Variants in CAMSAP1 observed in about 807,000 individuals in gnomAD.
CAMSAP1 encodes calmodulin-regulated spectrin-associated protein 1.
Under a neutral mutation model 143.5 loss-of-function variants are expected in CAMSAP1, and 58 were observed. The ratio of observed to expected loss-of-function variants is 0.40; its 90% CI spans 0.33 to 0.50. The LOEUF (loss-of-function observed/expected upper bound fraction) is 0.50. CAMSAP1 is among the 20% of genes least tolerant of loss of function. The pLI is 0.45. For missense variants in CAMSAP1, 1,969 were observed against 2,115.7 expected, an observed-to-expected ratio of 0.93 and a Z score of 1.36; for synonymous variants, 945 against 859.3, an observed-to-expected ratio of 1.10 and a Z score of -1.74.
intron 16 of CAMSAP1, among the ~76,000 whole-genome samples, chr9:135,813,923 A>G (rs1318490546): frequency 1.3e-5 from 2 of 152,202 alleles, no homozygotes; most frequent in Non-Finnish European, 1.5e-5. Flanking sequence ...ACGAGAGCAG[A>G]GGGAGCTGCA....
chr9:135,811,214 CAAT>C lies in CAMSAP1; in HGVS notation c.*92_*94del, dbSNP rs1835038200. ...CACTTCGTACCCAAATAGATGAAAA[CAAT>C]AAATAAGGACCCCGTGGCACCCTCT... is the stretch of plus-strand genomic sequence containing the variant. On this transcript the variant is annotated 3_prime_UTR_variant, in exon 17 of 17. Transcript: ENST00000389532. The surrounding 1 kb of genome is among the most constrained non-coding windows in gnomAD (Gnocchi z 4.9). 1 of 1,374,216 alleles carries C rather than the reference CAAT, an allele frequency of 7.3e-7. No homozygotes were observed. The highest frequency in any genetic ancestry group is 2.5e-5 in the Admixed American group (1 of 40,582). The allele number at this position is 1,374,216 out of a possible 1,614,324, so 85.1% of individuals were successfully genotyped here. A position where few individuals can be genotyped will look rare whatever the true frequency, so the allele number is the denominator to read the frequency against.
Position 135,882,867 on chromosome 9 carries a change from A to C in CAMSAP1, c.372T>G (p.Ser124Arg). The C allele has an allele frequency of 6.4e-7, 1 of 1,551,174 alleles. No individual in the cohort carries two copies. Among genetic ancestry groups the C allele is most frequent in the East Asian group, 2.4e-5 (1 of 40,902 alleles). ...CGGACTCTGTCACGGGGGTGTCATC[A>C]CTCTCCATCACATAGATCCCTTTCC... Reference protein sequence around the residue: ...LSRKGIYVMESDDTPVTESDL... With the variant: ...LSRKGIYVMERDDTPVTESDL... Residue 124 changes from serine (S) to arginine (R), a missense_variant, in exon 2 of 17, where the codon AGT becomes AGG. Coordinates refer to ENST00000389532, the MANE Select transcript of CAMSAP1 (RefSeq NM_015447.4). This position sits in a 1 kb window ranked among gnomAD's most constrained non-coding sequence, Gnocchi z 4.9.
chr9:135,818,591 G>C lies in CAMSAP1; in HGVS notation c.3985C>G (p.Arg1329Gly). The C allele has an allele frequency of 6.2e-7, 1 of 1,613,182 alleles. No individual in the cohort carries two copies. ...ARRKAEEDRVRKEEEKARREL... is the reference protein window; with the variant it reads ...ARRKAEEDRVGKEEEKARREL... ...CGCCGCGCCTTCTCCTCCTCCTTCC[G>C]CACCCGGTCTTCCTCAGCTTTGCGC... Residue 1329 changes from arginine (R) to glycine (G), a missense_variant, in exon 13 of 17, where the codon CGG (arginine) becomes GGG (glycine). This residue lies in a region of CAMSAP1 where 1,390 missense variants were observed against 1,420.8 expected (regional missense o/e 0.98). Transcript: ENST00000389532. The surrounding 1 kb of genome is among the most constrained non-coding windows in gnomAD (Gnocchi z 7.7).
Position 135,818,942 on chromosome 9 carries a change from G to A in CAMSAP1, c.3959+68C>T. The A allele has an allele frequency of 6.4e-7, 1 of 1,567,748 alleles. No homozygotes were observed. Among genetic ancestry groups the A allele is most frequent in the Non-Finnish European group, 8.6e-7 (1 of 1,164,192 alleles). On this transcript the variant is annotated intron_variant, in intron 12 of 16. Coordinates refer to ENST00000389532, the MANE Select transcript of CAMSAP1 (RefSeq NM_015447.4). This position sits in a 1 kb window ranked among gnomAD's most constrained non-coding sequence, Gnocchi z 7.7. Reference sequence around the variant, plus strand: ...TGGTCCATGCTCAGTGCCAGCAACGGGACCGGGGCCGCCAGGGACCCACCA... The same window carrying A: ...TGGTCCATGCTCAGTGCCAGCAACGAGACCGGGGCCGCCAGGGACCCACCA...
chr9:135,825,317 C>T (rs1835636340), intron 8 of CAMSAP1, among the ~76,000 whole-genome samples: 2 of 152,226 alleles, frequency 1.3e-5, no homozygotes. Context: ...TAAGCCACCA[C>T]TGTGAAGATA....
In CAMSAP1 at chr9:135,821,301, A is replaced by C. The variant is rs1397998756; in HGVS notation, c.3360T>G (p.Ser1120Arg). The change falls in exon 11 of 17, where the codon AGT becomes AGG. Residue 1120 changes from serine (S) to arginine (R), a missense_variant. By Grantham distance (110) the Ser-to-Arg change is moderately radical. Coordinates refer to ENST00000389532, the MANE Select transcript of CAMSAP1 (RefSeq NM_015447.4). The surrounding 1 kb of genome is among the most constrained non-coding windows in gnomAD (Gnocchi z 4.6). ...PKDRPQGSSR[S>R]KTPTPSVETL... The stretch of plus-strand genomic sequence containing the variant: ...TCTCTACACTGGGCGTTGGGGTTTT[A>C]CTTCGGGAGGAGCCCTGTGGCCTGT... The C allele has an allele frequency of 3.7e-6, 6 of 1,612,326 alleles. No individual in the cohort carries two copies. The highest frequency in any genetic ancestry group is 5.1e-6 in the Non-Finnish European group (6 of 1,179,848).
intron 4 of CAMSAP1, chr9:135,865,440 A>G (rs917388033): frequency 1.2e-5 from 17 of 1,419,686 alleles, no homozygotes; most frequent in Middle Eastern, 1.7e-4. Context: ...GAGGTAACAC[A>G]CACTTCCCCA....
At chr9:135,840,003 C>T (rs1193427439) in intron 7 of CAMSAP1, among the ~76,000 whole-genome samples, 1 of 152,206 alleles carries the variant, frequency 6.6e-6, no homozygotes, top group African/African-American at 2.4e-5. Flanking sequence ...CAGACTACCA[C>T]CTGCCAAGAC....
chr9:135,822,618 C>T lies in CAMSAP1; in HGVS notation c.2043G>A (p.Gly681=). The change falls in exon 11 of 17, where the codon GGG becomes GGA. Residue 681 remains glycine (G), a synonymous_variant. Coordinates refer to ENST00000389532, the MANE Select transcript of CAMSAP1 (RefSeq NM_015447.4). The surrounding 1 kb of genome is among the most constrained non-coding windows in gnomAD (Gnocchi z 6.1). ...GATCGAATCCGCCAAGGGCCAGAGG[C>T]CCACCACAGACCTCTCCTGCGGTTT... The part of the protein sequence containing the change: ...SVETAGEVCG[G]PLALGGFDPF... The T allele has an allele frequency of 1.2e-6, 2 of 1,612,526 alleles. No individual in the cohort carries two copies. The highest frequency in any genetic ancestry group is 1.7e-6 in the Non-Finnish European group (2 of 1,179,304).
At chr9:135,886,590 G>C (rs1245116650) in intron 1 of CAMSAP1, among the ~76,000 whole-genome samples, 1 of 152,224 alleles carries the variant, frequency 6.6e-6, no homozygotes, top group Non-Finnish European at 1.5e-5. Flanking sequence ...GGGAGGACCT[G>C]GGCCCTGCGG....
intron 5 of CAMSAP1, among the ~76,000 whole-genome samples, chr9:135,857,614 T>A (rs1837024844): frequency 6.6e-6 from 1 of 152,228 alleles, no homozygotes; most frequent in Admixed American, 6.5e-5. Flanking sequence ...CTCTGTTGAT[T>A]TGGGTTCTCA....
intron 7 of CAMSAP1, among the ~76,000 whole-genome samples, chr9:135,835,505 G>A (rs1266157848): frequency 6.6e-6 from 1 of 152,226 alleles, no homozygotes; most frequent in South Asian, 2.1e-4. Context: ...CAGAGTCACA[G>A]AATTGAGAAC....
intron 3 of CAMSAP1, among the ~76,000 whole-genome samples, chr9:135,869,026 G>A (rs1222425472): frequency 6.6e-6 from 1 of 152,144 alleles, no homozygotes; most frequent in Non-Finnish European, 1.5e-5. Context: ...ACCAAAGCAT[G>A]AAGCTGCAAA....
chr9:135,844,410 A>C lies in CAMSAP1; in HGVS notation c.1045+5727T>G, dbSNP rs115024949. On this transcript the variant is annotated intron_variant, in intron 7 of 16. Transcript: ENST00000389532. ...GAAGTTCTTTGAAACAAATGGGAACAAAGAGGTAATGTACCAGAATCTCTG... is the reference window on the plus strand; with the variant it reads ...GAAGTTCTTTGAAACAAATGGGAACCAAGAGGTAATGTACCAGAATCTCTG... Among the ~76,000 whole-genome samples, 776 of 152,364 alleles carry C rather than the reference A, an allele frequency of 5.1e-3. 6 individuals carry two copies. The highest frequency in any genetic ancestry group is 0.018 in the African/African-American group (746 of 41,582).
At chr9:135,839,839 G>C (rs926966241) in intron 7 of CAMSAP1, among the ~76,000 whole-genome samples, 1 of 151,922 alleles carries the variant, frequency 6.6e-6, no homozygotes, top group Admixed American at 6.6e-5. Flanking sequence ...AAGGGCCCCT[G>C]ACGACCACAG....
chr9:135,885,330 T>C (rs1838088761), intron 1 of CAMSAP1, among the ~76,000 whole-genome samples: 1 of 152,188 alleles, frequency 6.6e-6, no homozygotes, highest in East Asian at 1.9e-4. Flanking sequence ...TGTAGATGTC[T>C]GGGGGCACCT....
Position 135,881,808 on chromosome 9 carries a change from C to T in CAMSAP1, c.424-14G>A. 1 of 1,551,756 alleles carries T rather than the reference C, an allele frequency of 6.4e-7. No individual in the cohort carries two copies. Among genetic ancestry groups the T allele is most frequent in the Admixed American group, 2.0e-5 (1 of 51,010 alleles). ...CATGTGGGCACTCTAGGGGCAGAGG[C>T]AGCAGCTATAATCCCTCAAACCCAC... On this transcript the variant is annotated splice_polypyrimidine_tract_variant and intron_variant, in intron 2 of 16. Transcript: ENST00000389532.
chr9:135,818,565 G>A lies in CAMSAP1; in HGVS notation c.4011C>T (p.Arg1337=), dbSNP rs752112602. 1.2e-6 allele frequency: 2 copies of A among 1,613,222 alleles called. No homozygotes were observed. Among genetic ancestry groups the A allele is most frequent in the Non-Finnish European group, 1.7e-6 (2 of 1,179,826 alleles). ...RVRKEEEKAR[R]ELIKQEYLRR... ...GCAGGTACTCCTGCTTGATGAGCTC[G>A]CGCCGCGCCTTCTCCTCCTCCTTCC... Residue 1337 remains arginine (R), a synonymous_variant, in exon 13 of 17, where the codon CGC becomes CGT. Transcript: ENST00000389532. This position sits in a 1 kb window ranked among gnomAD's most constrained non-coding sequence, Gnocchi z 7.7.
rs1239138686 is a variant in CAMSAP1, at chr9:135,818,080, C to T, written c.4169-1G>A. 6.2e-7 allele frequency: 1 copy of T among 1,613,510 alleles called. No homozygotes were observed. The highest frequency in any genetic ancestry group is 1.3e-5 in the African/African-American group (1 of 74,934). On this transcript the variant is annotated splice_acceptor_variant, in intron 13 of 16. Transcript: ENST00000389532. LOFTEE classifies it high-confidence loss of function. The surrounding 1 kb of genome is among the most constrained non-coding windows in gnomAD (Gnocchi z 7.7). ...GACTGAGTCCGGCTCAAGTTATCAG[C>T]TGCCAGAGACAGAAACAGACGACGG...
Sources: allele counts gnomAD v4.1 joint callset (sites outside exome capture counted in the v4.1 genomes callset), GRCh38; gene constraint gnomAD v4.1.1; regional missense constraint gnomAD v4.1.1; non-coding constraint Gnocchi (gnomAD v3.1); transcripts MANE v1.5; gene names NCBI Gene and HGNC (gene_info 2026-07-23, HGNC 2026-07-21).